The following CREG2 variants were observed in gnomAD, a reference collection of about 807,000 sequenced individuals.
CREG2 encodes cellular repressor of E1A stimulated genes 2.
Under a neutral mutation model 26.2 loss-of-function variants are expected in CREG2, and 24 were observed. That is an observed-to-expected ratio of 0.92 (90% CI 0.66 to 1.29). CREG2 has a LOEUF of 1.29. Ranked by LOEUF, CREG2 falls within the 50% of genes most tolerant of loss-of-function variation. CREG2 has a pLI of 0.00. For missense variants in CREG2, 366 were observed against 398.6 expected (o/e 0.92, Z 0.70); for synonymous variants, 174 against 169.2 (o/e 1.03, Z -0.22).
At chr2:101,354,890 G>A (rs1473134908) in intron 3 of CREG2, among the ~76,000 whole-genome samples, 1 of 152,094 alleles carries the variant, frequency 6.6e-6, no homozygotes, top group Non-Finnish European at 1.5e-5. Flanking sequence ...GCACCACACT[G>A]AGAAACGCTG....
At chr2:101,374,908 T>G (rs543762754) in intron 2 of CREG2, among the ~76,000 whole-genome samples, 5 of 152,322 alleles carry the variant, frequency 3.3e-5, no homozygotes, top group Admixed American at 1.3e-4. Context: ...AAGAAACAAT[T>G]AAACTTGGTG....
chr2:101,352,823 G>A (rs1250025083), intron 3 of CREG2, among the ~76,000 whole-genome samples: 1 of 152,006 alleles, frequency 6.6e-6, no homozygotes, highest in African/African-American at 2.4e-5. Context: ...GGTGGTGCCT[G>A]TGGGTAGTCC....
chr2:101,363,034 T>C (rs749111134), intron 2 of CREG2, among the ~76,000 whole-genome samples: 1 of 152,236 alleles, frequency 6.6e-6, no homozygotes, highest in Non-Finnish European at 1.5e-5. Context: ...TGGCCTCTGC[T>C]GGGTGAAATG....
At chr2:101,372,436 G>A (rs1055166861) in intron 2 of CREG2, among the ~76,000 whole-genome samples, 1 of 152,138 alleles carries the variant, frequency 6.6e-6, no homozygotes, top group African/African-American at 2.4e-5. Flanking sequence ...TTATACGTTT[G>A]GAGTAACAGC....
intron 2 of CREG2, among the ~76,000 whole-genome samples, chr2:101,359,810 G>A (rs1684514482): frequency 6.6e-6 from 1 of 152,228 alleles, no homozygotes; most frequent in Non-Finnish European, 1.5e-5. Context: ...GCTGTTACCA[G>A]CATTATGCAT....
Position 101,353,270 on chromosome 2 carries a change from C to G in CREG2, c.725+1983G>C, listed in dbSNP as rs955672803. Among the ~76,000 whole-genome samples the G allele has an allele frequency of 2.6e-5, 4 of 152,280 alleles. No homozygotes were observed. The East Asian group carries it at 5.8e-4, about 22-fold the overall frequency. On this transcript the variant is annotated intron_variant, in intron 3 of 3. Coordinates refer to ENST00000324768, the MANE Select transcript of CREG2 (RefSeq NM_153836.4). ...AGAAGCTCTTTAGTTTAATTAGATC[C>G]CATTTATCAATTTTGGCTTTTGTTG...
At chr2:101,382,996 G>T (rs1684902089) in intron 2 of CREG2, 1 of 986,176 alleles carries the variant, frequency 1.0e-6, no homozygotes. Context: ...TTCTGTTAGT[G>T]CTTAAATGTC....
At chr2:101,373,749 AGG>A (rs1684747853) in intron 2 of CREG2, among the ~76,000 whole-genome samples, 2 of 152,358 alleles carry the variant, frequency 1.3e-5, no homozygotes, top group African/African-American at 4.8e-5. Context: ...AAGTGACTGC[AGG>A]TTACTATGAT....
chr2:101,364,158 C>T (rs1162815251), intron 2 of CREG2, among the ~76,000 whole-genome samples: 2 of 152,108 alleles, frequency 1.3e-5, no homozygotes, highest in African/African-American at 2.4e-5. Context: ...CCAATAGAAC[C>T]CATTGAGATA....
chr2:101,380,144 C>T (rs930464577), intron 2 of CREG2, among the ~76,000 whole-genome samples: 1 of 152,094 alleles, frequency 6.6e-6, no homozygotes, highest in Non-Finnish European at 1.5e-5. Context: ...ATTTATGTAT[C>T]TGCTTATTAA....
At chr2:101,382,763 G>A (rs1319758213) in intron 2 of CREG2, 1 of 985,300 alleles carries the variant, frequency 1.0e-6, no homozygotes, top group Admixed American at 6.1e-5. Context: ...GATGGGATGA[G>A]GCCTGTTGAT....
chr2:101,375,117 A>G (rs1684770057), intron 2 of CREG2, among the ~76,000 whole-genome samples: 1 of 152,178 alleles, frequency 6.6e-6, no homozygotes, highest in African/African-American at 2.4e-5. Context: ...ACACTATCCC[A>G]GTTTCTCTGG....
At chr2:101,368,899 GT>G (rs1348087036) in intron 2 of CREG2, among the ~76,000 whole-genome samples, 4 of 152,122 alleles carry the variant, frequency 2.6e-5, no homozygotes, top group African/African-American at 9.7e-5. Flanking sequence ...TGGGAAATAA[GT>G]TTCTGTTGTT....
At chr2:101,379,009 A>C (rs1684831829) in intron 2 of CREG2, among the ~76,000 whole-genome samples, 1 of 151,998 alleles carries the variant, frequency 6.6e-6, no homozygotes, top group Non-Finnish European at 1.5e-5. Context: ...CCATCTCAAA[A>C]AAAAAAAGAA....
At chr2:101,361,102 A>G (rs990428117) in intron 2 of CREG2, among the ~76,000 whole-genome samples, 2 of 152,264 alleles carry the variant, frequency 1.3e-5, no homozygotes, top group African/African-American at 4.8e-5. Context: ...TTATAGAATA[A>G]TAACACAGTA....
chr2:101,382,568 A>G, intron 2 of CREG2: 1 of 985,378 alleles, frequency 1.0e-6, no homozygotes, highest in Non-Finnish European at 1.2e-6. Context: ...TCTTGCTGTA[A>G]CCTGGTGGGG....
chr2:101,383,681 T>G lies in CREG2; in HGVS notation c.463A>C (p.Asn155His). The part of the protein sequence containing the change: ...HKKIQGLPFG[N>H]CLPVSDGPFN... The stretch of plus-strand genomic sequence containing the variant: ...GGGCCATCACTGACGGGCAGGCAGT[T>G]CCCAAATGGCAGTCCTTGGATCTAA... Residue 155 changes from asparagine to histidine, a missense_variant, in exon 2 of 4, where the codon AAC becomes CAC. Around this residue, in one of 3 missense-constraint regions of CREG2, gnomAD observed 174 missense variants for 178.2 expected, o/e 0.98. Coordinates refer to ENST00000324768, the MANE Select transcript of CREG2 (RefSeq NM_153836.4). The G allele has an allele frequency of 6.2e-7, 1 of 1,609,690 alleles. No homozygotes were observed. Among genetic ancestry groups the G allele is most frequent in the Non-Finnish European group, 8.5e-7 (1 of 1,177,526 alleles).
intron 2 of CREG2, among the ~76,000 whole-genome samples, chr2:101,368,913 T>C (rs900756006): frequency 6.6e-6 from 1 of 152,200 alleles, no homozygotes; most frequent in Non-Finnish European, 1.5e-5. Context: ...CTGTTGTTTC[T>C]AAGCCACCCA....
chr2:101,375,312 C>T (rs1181050578), intron 2 of CREG2, among the ~76,000 whole-genome samples: 1 of 152,168 alleles, frequency 6.6e-6, no homozygotes, highest in Non-Finnish European at 1.5e-5. Flanking sequence ...AACTAGATTC[C>T]TTTGCAAACT....
Sources: gnomAD v4.1 joint callset for allele counts (sites outside exome capture counted in the v4.1 genomes callset) on GRCh38, gnomAD v4.1.1 for gene constraint, gnomAD v4.1.1 regional missense constraint, MANE v1.5 for transcripts, NCBI Gene and HGNC (gene_info 2026-07-23, HGNC 2026-07-21) for gene names.